Variants in JMJD4 observed in about 807,000 individuals in gnomAD.
JMJD4 encodes the protein 2-oxoglutarate and iron-dependent oxygenase JMJD4.
Under a neutral mutation model 36.3 loss-of-function variants are expected in JMJD4, and 34 were observed. The observed-to-expected ratio is 0.94, with a 90% CI of 0.71 to 1.25. The LOEUF is 1.25. Among genes scored for constraint, JMJD4 ranks in the 50% most tolerant of loss-of-function variants. JMJD4 has a pLI of 0.00. For synonymous variants in JMJD4, 269 were observed against 235.3 expected (o/e 1.14, Z -1.31); for missense variants, 584 against 559.1 (o/e 1.04, Z -0.45).
At position 227,735,249 on chromosome 1, in the gene JMJD4, C is replaced by T. The variant is rs748242267; in HGVS notation, c.25G>A (p.Ala9Thr). The T allele has an allele frequency of 1.9e-6, 3 of 1,601,536 alleles. No homozygotes were observed. The highest frequency in any genetic ancestry group is 1.7e-5 in the Admixed American group (1 of 59,210). ...CCCAGGCCTCGGAAGTGGCTGTCGG[C>T]GAGGGCGCGCGTCTCGCGGTCCATC... is the stretch of plus-strand genomic sequence containing the variant. MDRETRAL[A>T]DSHFRGLGVD... The change falls in exon 1 of 6, where the codon GCC becomes ACC. Residue 9 changes from alanine to threonine, a missense_variant. Ala to Thr is a moderately conservative substitution (Grantham distance 58). Transcript: ENST00000620518.
In JMJD4 at chr1:227,733,500, G is replaced by C; in HGVS notation, c.736C>G (p.Leu246Val). Reference protein sequence around the residue: ...CDTHLHPRNQLAGPPLEITQE... With the variant: ...CDTHLHPRNQVAGPPLEITQE... Reference sequence around the variant, plus strand: ...GTGATCTCCAAGGGTGGGCCAGCAAGCTGGTTCCGTGGGTGCAGGTGTGTG... The same window carrying C: ...GTGATCTCCAAGGGTGGGCCAGCAACCTGGTTCCGTGGGTGCAGGTGTGTG... The change falls in exon 4 of 6, where the codon CTT (leucine) becomes GTT (valine). Residue 246 changes from leucine (L) to valine (V), a missense_variant. Transcript: ENST00000620518. The C allele has an allele frequency of 6.3e-7, 1 of 1,595,262 alleles. No individual in the cohort carries two copies. The highest frequency in any genetic ancestry group is 8.5e-7 in the Non-Finnish European group (1 of 1,170,676).
In JMJD4 at chr1:227,735,005, G is replaced by T. The variant is rs1432316610; in HGVS notation, c.262+7C>A. 1 of 1,520,548 alleles carries T rather than the reference G, an allele frequency of 6.6e-7. No homozygotes were observed. Among genetic ancestry groups the T allele is most frequent in the African/African-American group, 1.4e-5 (1 of 71,982 alleles). 94.2% of individuals were successfully genotyped at this position (1,520,548 alleles called of 1,614,324 possible). A position where few individuals can be genotyped will look rare whatever the true frequency, so the allele number is the denominator to read the frequency against. On this transcript the variant is annotated splice_region_variant and intron_variant, in intron 1 of 5. Coordinates refer to ENST00000620518, the MANE Select transcript of JMJD4 (RefSeq NM_023007.3). Reference sequence around the variant, plus strand: ...TCCCCGCCCGGGGTCTGCGGCCGCCGCCCCACCGTAGGTCCGTAGCAGGTG... The same window carrying T: ...TCCCCGCCCGGGGTCTGCGGCCGCCTCCCCACCGTAGGTCCGTAGCAGGTG...
chr1:227,733,392 G>T, intron 4 of JMJD4, 22 bp downstream of exon 4: 1 of 1,566,406 alleles, frequency 6.4e-7, no homozygotes, highest in Non-Finnish European at 8.6e-7. Flanking sequence ...CCTGATAGGG[G>T]GCAGGAGAAG....
At position 227,735,014 on chromosome 1, in the gene JMJD4, T is replaced by A. The variant is rs766845110; in HGVS notation, c.260A>T (p.Tyr87Phe). The change falls in exon 1 of 6, where the codon TAC (tyrosine) becomes TTC (phenylalanine). Residue 87 changes from tyrosine to phenylalanine, a missense_variant and splice_region_variant. By Grantham distance (22) the Tyr-to-Phe change is conservative (BLOSUM62 3). Transcript: ENST00000620518. The stretch of plus-strand genomic sequence containing the variant: ...GGGGTCTGCGGCCGCCGCCCCACCG[T>A]AGGTCCGTAGCAGGTGGTCGAAGTC... ...RPDFDHLLRT[Y>F]GDVVVPVANC... is the part of the protein sequence containing the mutation. 6.5e-7 allele frequency: 1 copy of A among 1,539,716 alleles called. No individual in the cohort carries two copies. The highest frequency in any genetic ancestry group is 8.7e-7 in the Non-Finnish European group (1 of 1,144,802).
At position 227,732,941 on chromosome 1, in the gene JMJD4, G is replaced by T. The variant is rs200611094; in HGVS notation, c.909C>A (p.Ala303=). The change falls in exon 5 of 6, where the codon GCC becomes GCA. Residue 303 remains alanine (A), a synonymous_variant. Transcript: ENST00000620518. ...MWRFLQQELC[A]VQEEVSEWRD... is the part of the protein sequence containing the mutation. ...TCCACTCGCTGACCTCCTCCTGCACGGCGCATAGCTCCTGCTGCAAGAAGC... is the reference window on the plus strand; with the variant it reads ...TCCACTCGCTGACCTCCTCCTGCACTGCGCATAGCTCCTGCTGCAAGAAGC... The T allele has an allele frequency of 6.2e-7, 1 of 1,613,194 alleles. No homozygotes were observed. The highest frequency in any genetic ancestry group is 1.3e-5 in the African/African-American group (1 of 75,074).
chr1:227,734,439 CA>C (rs371020547), intron 2 of JMJD4: 578 of 406,000 alleles, frequency 1.4e-3, no homozygotes, highest in South Asian at 2.1e-3. Flanking sequence ...AGATCTCTCT[CA>C]AAAAAAAAGG....
intron 4 of JMJD4, 190 bp from the exon 5 acceptor site, chr1:227,733,217 C>A: frequency 1.2e-6 from 1 of 856,220 alleles, no homozygotes; most frequent in South Asian, 1.8e-5. Context: ...CCACAGTGAA[C>A]CCAGAGCAAG....
At position 227,735,018 on chromosome 1, in the gene JMJD4, TCC is replaced by T; in HGVS notation, c.254_255del (p.Arg85HisfsTer79). ...TCTGCGGCCGCCGCCCCACCGTAGG[TCC>T]GTAGCAGGTGGTCGAAGTCGGGCCT... ...AGRPDFDHLL[R>X]TYGDVVVPVA... On this transcript the variant is annotated frameshift_variant, in exon 1 of 6. Coordinates refer to ENST00000620518, the MANE Select transcript of JMJD4 (RefSeq NM_023007.3). LOFTEE classifies it high-confidence loss of function. 6.5e-7 allele frequency: 1 copy of T among 1,547,982 alleles called. No individual in the cohort carries two copies. Among genetic ancestry groups the T allele is most frequent in the Non-Finnish European group, 8.7e-7 (1 of 1,148,542 alleles).
chr1:227,732,244 C>T lies in JMJD4; in HGVS notation c.*148G>A. On this transcript the variant is annotated 3_prime_UTR_variant, in exon 6 of 6. Transcript: ENST00000620518. ...TCATTGGGCCTCACCTGAAAACAGG[C>T]ACCCAGGCAGTGGCCATGAACAGCC... The T allele has an allele frequency of 1.1e-6, 1 of 901,516 alleles. No homozygotes were observed. Among genetic ancestry groups the T allele is most frequent in the Non-Finnish European group, 1.7e-6 (1 of 580,774 alleles). The allele number at this position is 901,516 out of a possible 1,614,324, so 55.8% of individuals were successfully genotyped here.
rs141350097 is a variant in JMJD4, at chr1:227,734,747, G to A, written c.332C>T (p.Thr111Ile). The part of the protein sequence containing the change: ...EYNSNPKEHM[T>I]LRDYITYWKE... ...CCAGTAGGTGATGTAGTCTCTGAGA[G>A]TCATGTGCTCTTTGGGGTTCGAGTT... is the stretch of plus-strand genomic sequence containing the variant. The change falls in exon 2 of 6, where the codon ACT becomes ATT. Residue 111 changes from threonine to isoleucine, a missense_variant. Thr to Ile is a moderately conservative substitution (Grantham distance 89). Transcript: ENST00000620518. The A allele has an allele frequency of 2.5e-4, 406 of 1,614,002 alleles. No individual in the cohort carries two copies. Among genetic ancestry groups the A allele is most frequent in the Non-Finnish European group, 3.1e-4 (363 of 1,179,976 alleles).
In JMJD4 at chr1:227,733,866, C is replaced by T. The variant is rs201299891; in HGVS notation, c.554+41G>A. On this transcript the variant is annotated intron_variant, in intron 3 of 5. Coordinates refer to ENST00000620518, the MANE Select transcript of JMJD4 (RefSeq NM_023007.3). ...CTGGGCCTCCCAGTCCGTTCTGTCACCAGGCCCCTTCGGGTTCCACTCCCA... is the reference window on the plus strand; with the variant it reads ...CTGGGCCTCCCAGTCCGTTCTGTCATCAGGCCCCTTCGGGTTCCACTCCCA... 269 of 1,610,628 alleles carry T rather than the reference C, an allele frequency of 1.7e-4. No homozygotes were observed. In the African/African-American group the frequency reaches 3.4e-3, roughly 20 times the overall value.
intron 3 of JMJD4, 102 bp from the exon 4 acceptor site, chr1:227,733,783 G>T: frequency 6.3e-7 from 1 of 1,581,314 alleles, no homozygotes; most frequent in Non-Finnish European, 8.6e-7. Flanking sequence ...TGGCCCCTTG[G>T]TCTCAAGGGA....
rs370323713 is a variant in JMJD4, at chr1:227,733,391, G to A, written c.822+23C>T. 1.9e-5 allele frequency: 29 copies of A among 1,566,184 alleles called. No homozygotes were observed. The African/African-American group carries it at 3.4e-4, about 19-fold the overall frequency. On this transcript the variant is annotated intron_variant, in intron 4 of 5. Coordinates refer to ENST00000620518, the MANE Select transcript of JMJD4 (RefSeq NM_023007.3). ...TTCCTGCAGGAAGGCCCCTGATAGG[G>A]GGCAGGAGAAGCAGCACATTACCAG...
Position 227,733,184 on chromosome 1 carries a change from T to G in JMJD4, c.823-157A>C, listed in dbSNP as rs1660788933. On this transcript the variant is annotated intron_variant, in intron 4 of 5. Coordinates refer to ENST00000620518, the MANE Select transcript of JMJD4 (RefSeq NM_023007.3). Reference sequence around the variant, plus strand: ...AGGGCTTGCTCAGCAGGGAAGTGGGTGGCGGGCTCGGACCACCTCAGGCCA... The same window carrying G: ...AGGGCTTGCTCAGCAGGGAAGTGGGGGGCGGGCTCGGACCACCTCAGGCCA... 1.4e-5 allele frequency: 13 copies of G among 943,302 alleles called. No individual in the cohort carries two copies. In the South Asian group the frequency reaches 2.0e-4, roughly 14 times the overall value. 58.4% of individuals were successfully genotyped at this position (943,302 alleles called of 1,614,324 possible). A position where few individuals can be genotyped will look rare whatever the true frequency, so the allele number is the denominator to read the frequency against.
rs768901659 is a variant in JMJD4, at chr1:227,735,246, C to G, written c.28G>C (p.Asp10His). 2 of 1,601,278 alleles carry G rather than the reference C, an allele frequency of 1.2e-6. No individual in the cohort carries two copies. Among genetic ancestry groups the G allele is most frequent in the African/African-American group, 1.3e-5 (1 of 74,500 alleles). MDRETRALA[D>H]SHFRGLGVDV... ...ACCCCCAGGCCTCGGAAGTGGCTGT[C>G]GGCGAGGGCGCGCGTCTCGCGGTCC... Residue 10 changes from aspartate (D) to histidine (H), a missense_variant, in exon 1 of 6, where the codon GAC (aspartate) becomes CAC (histidine). Coordinates refer to ENST00000620518, the MANE Select transcript of JMJD4 (RefSeq NM_023007.3).
At position 227,734,677 on chromosome 1, in the gene JMJD4, G is replaced by C. The variant is rs1269433251; in HGVS notation, c.402C>G (p.Leu134=). 3 of 1,614,138 alleles carry C rather than the reference G, an allele frequency of 1.9e-6. No homozygotes were observed. The highest frequency in any genetic ancestry group is 8.5e-7 in the Non-Finnish European group (1 of 1,180,020). ...QAGYSSPRGC[L]YLKDWHLCRD... is the part of the protein sequence containing the mutation. ...TGCACAAGTGCCAGTCTTTGAGGTA[G>C]AGACAGCCCCTGGGAGAGGAGTAGC... The change falls in exon 2 of 6, where the codon CTC becomes CTG. Residue 134 remains leucine (L), a synonymous_variant. Transcript: ENST00000620518.
At chr1:227,734,965 C>T (rs1660977702) in intron 1 of JMJD4, 47 bp downstream of exon 1, 2 of 1,500,662 alleles carry the variant, frequency 1.3e-6, no homozygotes, top group Non-Finnish European at 1.8e-6. Context: ...GGGCCTGGGT[C>T]CCGCCGGCCT....
Position 227,732,511 on chromosome 1 carries a change from G to C in JMJD4, c.1135C>G (p.Leu379Val), listed in dbSNP as rs753837331. ...TCGGGGTGCGCAACCAAGGAGGCCA[G>C]CACCTCTGTGATGCGCCCAACATCA... is the stretch of plus-strand genomic sequence containing the variant. ...AFDVGRITEV[L>V]ASLVAHPDFQ... Residue 379 changes from leucine (L) to valine (V), a missense_variant, in exon 6 of 6, where the codon CTG becomes GTG. Transcript: ENST00000620518. The C allele has an allele frequency of 6.2e-7, 1 of 1,613,306 alleles. No individual in the cohort carries two copies. Among genetic ancestry groups the C allele is most frequent in the East Asian group, 2.2e-5 (1 of 44,886 alleles).
Position 227,734,004 on chromosome 1 carries a change from G to A in JMJD4, c.457C>T (p.Leu153=), listed in dbSNP as rs761359886. The A allele has an allele frequency of 5.6e-6, 9 of 1,613,646 alleles. No individual in the cohort carries two copies. In the Admixed American group the frequency reaches 1.2e-4, roughly 21 times the overall value. Residue 153 remains leucine (L), a synonymous_variant, in exon 3 of 6, where the codon CTG becomes TTG. Coordinates refer to ENST00000620518, the MANE Select transcript of JMJD4 (RefSeq NM_023007.3). ...RDFPVEDVFT[L]PVYFSSDWLN... ...CAGTCGGACGAGAAGTACACAGGCA[G>A]GGTGAAAACGTCCTCCACCGGAAAG...
Sources: allele counts gnomAD v4.1 joint callset, GRCh38; gene constraint gnomAD v4.1.1; transcripts MANE v1.5; gene names NCBI Gene and HGNC (gene_info 2026-07-23, HGNC 2026-07-21).